Variants in TPTE observed in about 807,000 individuals in gnomAD.
TPTE encodes putative tyrosine-protein phosphatase TPTE.
TPTE carries 59 observed loss-of-function variants against 84.1 expected under a neutral mutation model. The observed-to-expected ratio is 0.70, with a 90% CI of 0.57 to 0.87. The LOEUF is 0.87. TPTE is among the 40% of genes least tolerant of loss of function. The pLI is 0.00. For synonymous variants in TPTE, 130 were observed against 223.5 expected, an observed-to-expected ratio of 0.58 and a Z score of 3.73; for missense variants, 382 against 659.6, an observed-to-expected ratio of 0.58 and a Z score of 4.61.
intron 5 of TPTE, 117 bp from the exon 6 acceptor site, chr21:10,542,274 TATAC>T: frequency 8.0e-7 from 1 of 1,253,934 alleles, no homozygotes. Context: ...CCAGTAGTAC[TATAC>T]ACATGAATAG....
At chr21:10,603,698 G>A (rs1355097347) in intron 23 of TPTE, 66 bp downstream of exon 23, 1 of 1,566,464 alleles carries the variant, frequency 6.4e-7, no homozygotes, top group Admixed American at 1.8e-5. Context: ...AGGTGTAATG[G>A]CAAGTCTTTT....
intron 1 of TPTE, among the ~76,000 whole-genome samples, chr21:10,523,551 T>A (rs1369236729): frequency 6.6e-6 from 1 of 152,226 alleles, no homozygotes; most frequent in Admixed American, 6.5e-5. Flanking sequence ...ATATGCAGTG[T>A]TTGGTTTTTT....
intron 10 of TPTE, among the ~76,000 whole-genome samples, chr21:10,563,565 AT>A (rs1202943882): frequency 3.1e-4 from 47 of 152,160 alleles, no homozygotes; most frequent in African/African-American, 1.1e-3. Context: ...ATGAAAACTT[AT>A]TATAAGATTA....
intron 19 of TPTE, among the ~76,000 whole-genome samples, chr21:10,595,516 G>C (rs1390741549): frequency 6.6e-6 from 1 of 152,312 alleles, no homozygotes; most frequent in Admixed American, 6.5e-5. Context: ...AGAAATTGTA[G>C]CTGTCAGGAA....
chr21:10,562,961 A>T (rs533849367), intron 10 of TPTE, among the ~76,000 whole-genome samples: 1 of 152,308 alleles, frequency 6.6e-6, no homozygotes, highest in African/African-American at 2.4e-5. Context: ...GCATTTAATA[A>T]TCACAGTCCC....
rs1568806677 is a variant in TPTE, at chr21:10,605,667, A to T, written c.*115A>T. On this transcript the variant is annotated 3_prime_UTR_variant, in exon 24 of 24. Coordinates refer to ENST00000618007, the MANE Select transcript of TPTE (RefSeq NM_199261.4). ...CCTTGAAGTATTTATTTATGTTTAT[A>T]TATGTTTATATATGTTCTTCATAAA... 23 of 1,481,288 alleles carry T rather than the reference A, an allele frequency of 1.6e-5. No individual in the cohort carries two copies. Among genetic ancestry groups the T allele is most frequent in the East Asian group, 5.0e-5 (2 of 40,286 alleles). 91.8% of individuals were successfully genotyped at this position (1,481,288 alleles called of 1,614,324 possible).
intron 14 of TPTE, among the ~76,000 whole-genome samples, chr21:10,576,838 CAT>C (rs56285862): frequency 0.078 from 10,340 of 133,246 alleles, 5 homozygotes; most frequent in East Asian, 0.11. Flanking sequence ...TACATATATA[CAT>C]ATATATATAT....
At chr21:10,559,608 TCA>T in intron 9 of TPTE, 64 bp downstream of exon 9, 1 of 1,610,966 alleles carries the variant, frequency 6.2e-7, no homozygotes, top group Non-Finnish European at 8.5e-7. Flanking sequence ...GCACGGTGGC[TCA>T]CACCTGTAAT....
intron 17 of TPTE, among the ~76,000 whole-genome samples, chr21:10,587,220 T>G (rs2075382613): frequency 6.6e-6 from 1 of 152,304 alleles, no homozygotes; most frequent in Non-Finnish European, 1.5e-5. Flanking sequence ...GCTTAGATTT[T>G]TGGTATAAAT....
At chr21:10,532,449 CTTTTG>C (rs1340811958) in intron 3 of TPTE, among the ~76,000 whole-genome samples, 4 of 152,302 alleles carry the variant, frequency 2.6e-5, no homozygotes, top group African/African-American at 7.2e-5. Context: ...AAGATACACA[CTTTTG>C]TTTTGTTAAT....
At chr21:10,594,835 G>A (rs878863489) in intron 19 of TPTE, among the ~76,000 whole-genome samples, 995 of 150,318 alleles carry the variant, frequency 6.6e-3, no homozygotes, top group Admixed American at 0.063. Context: ...TGCCCTCTGT[G>A]TCTGGTGGTG....
chr21:10,563,462 A>G (rs1311900894), intron 10 of TPTE, among the ~76,000 whole-genome samples: 1 of 152,306 alleles, frequency 6.6e-6, no homozygotes, highest in Non-Finnish European at 1.5e-5. Context: ...CAAGACATAG[A>G]TGGTATAATA....
At chr21:10,540,032 A>T (rs1202268567) in intron 4 of TPTE, among the ~76,000 whole-genome samples, 5 of 152,384 alleles carry the variant, frequency 3.3e-5, no homozygotes, top group Admixed American at 2.6e-4. Context: ...CAACAACAAC[A>T]AACAAAAACA....
intron 7 of TPTE, 60 bp downstream of exon 7, chr21:10,543,442 A>C (rs1194161139): frequency 6.2e-7 from 1 of 1,612,006 alleles, no homozygotes; most frequent in Non-Finnish European, 8.5e-7. Flanking sequence ...CTATACACAC[A>C]CCAAGCACAT....
chr21:10,546,430 TGG>T, intron 7 of TPTE, among the ~76,000 whole-genome samples: 2 of 152,306 alleles, frequency 1.3e-5, no homozygotes, highest in Admixed American at 1.3e-4. Context: ...AAGCCTATGA[TGG>T]TCTCTGAGTG....
At chr21:10,591,124 T>C (rs1023217617) in intron 18 of TPTE, among the ~76,000 whole-genome samples, 2 of 152,306 alleles carry the variant, frequency 1.3e-5, no homozygotes, top group African/African-American at 4.8e-5. Context: ...AAACAAAGCC[T>C]CTCCTGAATG....
chr21:10,601,023 TAAAA>T (rs1978423655), intron 21 of TPTE, among the ~76,000 whole-genome samples: 5 of 152,292 alleles, frequency 3.3e-5, no homozygotes, highest in South Asian at 2.1e-4. Flanking sequence ...ATTCAGAAAA[TAAAA>T]AACCGTGATA....
intron 14 of TPTE, among the ~76,000 whole-genome samples, chr21:10,575,285 T>C (rs2075128029): frequency 1.3e-5 from 2 of 152,308 alleles, no homozygotes; most frequent in African/African-American, 2.4e-5. Context: ...CCCAATCAAT[T>C]CCTCCTCACT....
At chr21:10,572,964 G>T (rs2075076398) in intron 14 of TPTE, among the ~76,000 whole-genome samples, 1 of 152,262 alleles carries the variant, frequency 6.6e-6, no homozygotes, top group South Asian at 2.1e-4. Flanking sequence ...TGAACAAAAT[G>T]ACAGGATAAA....
Sources: gnomAD v4.1 joint callset for allele counts (sites outside exome capture counted in the v4.1 genomes callset) on GRCh38, gnomAD v4.1.1 for gene constraint, MANE v1.5 for transcripts, NCBI Gene and HGNC (gene_info 2026-07-23, HGNC 2026-07-21) for gene names.